The following AMPD1 variants were observed in gnomAD, a reference collection of about 807,000 sequenced individuals.
AMPD1 encodes adenosine monophosphate deaminase 1.
In AMPD1, 74 loss-of-function variants were observed where a neutral mutation model predicts 82.9. The ratio of observed to expected loss-of-function variants is 0.89; its 90% CI spans 0.74 to 1.08. The LOEUF is 1.08. AMPD1 is among the 50% of genes least tolerant of loss of function. The probability of loss-of-function intolerance (pLI) is 0.00; values close to 1 mark genes in which losing one functional copy is unlikely to be tolerated. For missense variants in AMPD1, 881 were observed against 924.5 expected (o/e 0.95, Z 0.61); for synonymous variants, 333 against 320.5 (o/e 1.04, Z -0.42).
In AMPD1 at chr1:114,674,776, G is replaced by C. The variant is rs1657931302; in HGVS notation, c.1776C>G (p.Ile592Met). ...CCTTTTTTAAATTTAGGCCATGAGA[G>C]ATATCATCTGCTATCATGAATGCTG... The part of the protein sequence containing the change: ...LMTAFMIADD[I>M]SHGLNLKKSP... Residue 592 changes from isoleucine (I) to methionine (M), a missense_variant, in exon 13 of 16, where the codon ATC becomes ATG. Physicochemically the swap from Ile to Met is conservative, Grantham distance 10. Coordinates refer to ENST00000520113, the MANE Select transcript of AMPD1 (RefSeq NM_000036.3). The C allele has an allele frequency of 1.9e-6, 3 of 1,613,792 alleles. No homozygotes were observed. Among genetic ancestry groups the C allele is most frequent in the Non-Finnish European group, 2.5e-6 (3 of 1,179,660 alleles).
At chr1:114,694,567 G>T (rs1357272994) in intron 1 of AMPD1, among the ~76,000 whole-genome samples, 2 of 152,130 alleles carry the variant, frequency 1.3e-5, no homozygotes, top group Non-Finnish European at 2.9e-5. Flanking sequence ...CTTTTGGCTG[G>T]GTGCAGTGGC....
At chr1:114,692,752 AAT>A (rs2101727635) in intron 2 of AMPD1, among the ~76,000 whole-genome samples, 1 of 137,434 alleles carries the variant, frequency 7.3e-6, no homozygotes, top group African/African-American at 2.8e-5. Flanking sequence ...AATGAACAAC[AAT>A]TTTTTTTTTT....
At chr1:114,685,171 C>A (rs879518107) in intron 4 of AMPD1, among the ~76,000 whole-genome samples, 1 of 152,146 alleles carries the variant, frequency 6.6e-6, no homozygotes, top group Admixed American at 6.5e-5. Flanking sequence ...ATTTTAAAGA[C>A]CTGCTGTCCT....
At chr1:114,694,445 A>T (rs925995401) in intron 1 of AMPD1, among the ~76,000 whole-genome samples, 35 of 152,238 alleles carry the variant, frequency 2.3e-4, no homozygotes, top group South Asian at 2.1e-3. Flanking sequence ...GTGCCTTTTT[A>T]AAAAAAACTC....
intron 1 of AMPD1, among the ~76,000 whole-genome samples, chr1:114,694,193 G>T (rs1409772506): frequency 6.6e-6 from 1 of 151,992 alleles, no homozygotes; most frequent in Admixed American, 6.6e-5. Context: ...TCCAGCCTGG[G>T]TGACAGAGCG....
chr1:114,674,751 C>A lies in AMPD1; in HGVS notation c.1800+1G>T. ...AGTTAAGAAGAGAGCTTCCAACTCA[C>A]CTTTTTTAAATTTAGGCCATGAGAG... On this transcript the variant is annotated splice_donor_variant, in intron 13 of 15. Coordinates refer to ENST00000520113, the MANE Select transcript of AMPD1 (RefSeq NM_000036.3). LOFTEE classifies it high-confidence loss of function. The A allele has an allele frequency of 6.2e-7, 1 of 1,613,690 alleles. No individual in the cohort carries two copies. The highest frequency in any genetic ancestry group is 8.5e-7 in the Non-Finnish European group (1 of 1,179,622).
At chr1:114,691,782 G>A (rs1426513661) in intron 2 of AMPD1, among the ~76,000 whole-genome samples, 1 of 151,936 alleles carries the variant, frequency 6.6e-6, no homozygotes. Flanking sequence ...CAAATTAGCT[G>A]GGTGTGGTGG....
chr1:114,677,837 C>CCTTCCTTCCTTT (rs1557969558), intron 9 of AMPD1, 73 bp downstream of exon 9: 1 of 1,284,726 alleles, frequency 7.8e-7, no homozygotes, highest in African/African-American at 1.6e-5. Flanking sequence ...TTCCTTCCTT[C>CCTTCCTTCCTTT]CTTCCTTCCT....
chr1:114,683,371 T>C (rs2101719488), intron 5 of AMPD1, among the ~76,000 whole-genome samples: 1 of 152,170 alleles, frequency 6.6e-6, no homozygotes, highest in South Asian at 2.1e-4. Flanking sequence ...GAGAAATATT[T>C]CCAACCAGAA....
chr1:114,683,758 T>C lies in AMPD1; in HGVS notation c.547+441A>G, dbSNP rs78095624. Among the ~76,000 whole-genome samples, 39 of 152,154 alleles carry C rather than the reference T, an allele frequency of 2.6e-4. 1 individual carries two copies. In the East Asian group the frequency reaches 7.2e-3, roughly 28 times the overall value. On this transcript the variant is annotated intron_variant, in intron 5 of 15. Transcript: ENST00000520113. Reference sequence around the variant, plus strand: ...TCTCAGAAAACAAACAAAATGTAGTTAGGGGGCCAGAGGGTGTGGGCCTCA... The same window carrying C: ...TCTCAGAAAACAAACAAAATGTAGTCAGGGGGCCAGAGGGTGTGGGCCTCA...
chr1:114,684,717 C>T (rs766531887), intron 4 of AMPD1, among the ~76,000 whole-genome samples: 4 of 152,168 alleles, frequency 2.6e-5, no homozygotes, highest in East Asian at 3.8e-4. Context: ...CTTCTAAGTA[C>T]GTGTGAACAT....
chr1:114,673,298 G>A (rs370608479), intron 15 of AMPD1, 26 bp from the exon 16 acceptor site: 4 of 1,612,948 alleles, frequency 2.5e-6, no homozygotes, highest in Middle Eastern at 1.6e-4. Flanking sequence ...ATGGCAGAAT[G>A]ATTGTTGTCT....
Position 114,695,329 on chromosome 1 carries a change from A to G in AMPD1, c.22+121T>C, listed in dbSNP as rs1658643409. 9 of 1,417,324 alleles carry G rather than the reference A, an allele frequency of 6.3e-6. No individual in the cohort carries two copies. The South Asian group carries it at 1.1e-4, about 18-fold the overall frequency. 87.8% of individuals were successfully genotyped at this position (1,417,324 alleles called of 1,614,324 possible). A position where few individuals can be genotyped will look rare whatever the true frequency, so the allele number is the denominator to read the frequency against. ...TTTGTGTTTTCCTGAAATGTATGTT[A>G]AAGCTATCACGAACCCTAAATGAAT... On this transcript the variant is annotated intron_variant, in intron 1 of 15. Transcript: ENST00000520113.
intron 4 of AMPD1, among the ~76,000 whole-genome samples, chr1:114,686,085 T>G (rs57771663): frequency 0.022 from 3,366 of 152,246 alleles, 132 homozygotes; most frequent in African/African-American, 0.077. Flanking sequence ...GACAAGCAGG[T>G]CAAGTTGTTT....
Position 114,678,429 on chromosome 1 carries a change from ATAGACCACT to A in AMPD1, c.987_995del (p.Arg329_Tyr332delinsSer). The A allele has an allele frequency of 6.2e-7, 1 of 1,614,162 alleles. No individual in the cohort carries two copies. Among genetic ancestry groups the A allele is most frequent in the Non-Finnish European group, 8.5e-7 (1 of 1,179,990 alleles). On this transcript the variant is annotated inframe_deletion, in exon 8 of 16. Coordinates refer to ENST00000520113, the MANE Select transcript of AMPD1 (RefSeq NM_000036.3). ...GGGTCAGATTCTTCTCTTTGGTGCT[ATAGACCACT>A]CTGTCAGCATCAATTTGGTAAGATT...
chr1:114,692,924 G>A (rs1234528038), intron 2 of AMPD1, among the ~76,000 whole-genome samples: 1 of 151,404 alleles, frequency 6.6e-6, no homozygotes, highest in Non-Finnish European at 1.5e-5. Context: ...CTTGAGGTCA[G>A]GAGTTCGAGA....
chr1:114,686,595 A>G, intron 4 of AMPD1, 150 bp downstream of exon 4: 2 of 796,014 alleles, frequency 2.5e-6, no homozygotes, highest in East Asian at 2.7e-5. Flanking sequence ...ACATACCACC[A>G]TATTAGTATT....
Position 114,678,315 on chromosome 1 carries a change from A to G in AMPD1, c.1092+18T>C, listed in dbSNP as rs1658059250. 6.2e-7 allele frequency: 1 copy of G among 1,612,794 alleles called. No individual in the cohort carries two copies. Among genetic ancestry groups the G allele is most frequent in the South Asian group, 1.1e-5 (1 of 91,052 alleles). Reference sequence around the variant, plus strand: ...TTCTGAGTATTAGAGTGAAACTGACATTGCCGTTTCAACCTACAGCATGAA... The same window carrying G: ...TTCTGAGTATTAGAGTGAAACTGACGTTGCCGTTTCAACCTACAGCATGAA... On this transcript the variant is annotated intron_variant, in intron 8 of 15. Transcript: ENST00000520113.
At position 114,677,470 on chromosome 1, in the gene AMPD1, C is replaced by T; in HGVS notation, c.1269G>A (p.Glu423=). 1 of 1,613,334 alleles carries T rather than the reference C, an allele frequency of 6.2e-7. No individual in the cohort carries two copies. Among genetic ancestry groups the T allele is most frequent in the Non-Finnish European group, 8.5e-7 (1 of 1,179,902 alleles). Residue 423 remains glutamate, a synonymous_variant, in exon 10 of 16, where the codon GAG becomes GAA. Transcript: ENST00000520113. ...TGCGGCCATAGATGGACAGGCGGGG[C>T]TCAGCATGCTGGTACTTGGCCTCCA... ...DLVEAKYQHA[E]PRLSIYGRSP...
Sources: allele counts gnomAD v4.1 joint callset (sites outside exome capture counted in the v4.1 genomes callset), GRCh38; gene constraint gnomAD v4.1.1; transcripts MANE v1.5; gene names NCBI Gene and HGNC (gene_info 2026-07-23, HGNC 2026-07-21).